Variants in PCDHGA2 observed in about 807,000 individuals in gnomAD.
PCDHGA2 encodes the protein protocadherin gamma subfamily A, 2.
Under a neutral mutation model 59.2 loss-of-function variants are expected in PCDHGA2, and 40 were observed. The ratio of observed to expected loss-of-function variants is 0.68; its 90% CI spans 0.52 to 0.88. The LOEUF (loss-of-function observed/expected upper bound fraction) is 0.88, where lower values mean the gene tolerates loss of function less well. PCDHGA2 is among the 40% of genes least tolerant of loss of function. The pLI is 0.00. For synonymous variants in PCDHGA2, 560 were observed against 526.0 expected, an observed-to-expected ratio of 1.06 and a Z score of -0.89; for missense variants, 1,226 against 1,204.0, an observed-to-expected ratio of 1.02 and a Z score of -0.27.
chr5:141,404,350 C>T (rs757103755), intron 1 of PCDHGA2: 1 of 1,613,894 alleles, frequency 6.2e-7, no homozygotes, highest in Non-Finnish European at 8.5e-7. Flanking sequence ...AAAACAACGC[C>T]AGAGGTACTT....
At chr5:141,362,466 G>T (rs753193547) in intron 1 of PCDHGA2, 19 of 1,613,922 alleles carry the variant, frequency 1.2e-5, no homozygotes, top group Non-Finnish European at 1.6e-5. Flanking sequence ...TGGTTCCCGC[G>T]CAAGATCTCG....
chr5:141,387,717 C>T (rs2091056709), intron 1 of PCDHGA2: 1 of 1,093,268 alleles, frequency 9.1e-7, no homozygotes, highest in African/African-American at 1.6e-5. Context: ...CCAGCTCAGA[C>T]TCCCCAGCGC....
intron 1 of PCDHGA2, chr5:141,418,003 G>T (rs1441842557): frequency 6.2e-7 from 1 of 1,613,798 alleles, no homozygotes; most frequent in Non-Finnish European, 8.5e-7. Context: ...CGGTGGTGGG[G>T]AACCTCGCTA....
intron 1 of PCDHGA2, chr5:141,384,592 C>T (rs1780248278): frequency 6.2e-7 from 1 of 1,614,120 alleles, no homozygotes; most frequent in African/African-American, 1.3e-5. Flanking sequence ...GATCCTGTAC[C>T]CGGCCCTCCC....
intron 1 of PCDHGA2, chr5:141,357,859 C>G: frequency 1.7e-6 from 1 of 591,080 alleles, no homozygotes; most frequent in South Asian, 2.2e-5. Context: ...CCAGAATTTT[C>G]TAATTTTACA....
chr5:141,428,609 A>G, intron 1 of PCDHGA2: 1 of 215,052 alleles, frequency 4.7e-6, no homozygotes, highest in South Asian at 7.9e-5. Context: ...ACTGAAGAGA[A>G]TAACAAGATA....
Position 141,486,638 on chromosome 5 carries a change from C to T in PCDHGA2, c.2425-8169C>T, listed in dbSNP as rs753730551. 5.6e-6 allele frequency: 9 copies of T among 1,613,700 alleles called. No homozygotes were observed. In the East Asian group the frequency reaches 8.9e-5, roughly 16 times the overall value. On this transcript the variant is annotated intron_variant, in intron 1 of 3. Coordinates refer to ENST00000394576, the MANE Select transcript of PCDHGA2 (RefSeq NM_018915.4). This position sits in a 1 kb window ranked among gnomAD's most constrained non-coding sequence, Gnocchi z 5.0. The stretch of plus-strand genomic sequence containing the variant: ...TGACCCAGACTCTGGCTTGAATGCG[C>T]TTATCTCCTACTCACTCCTGGAGCC...
chr5:141,487,671 G>A lies in PCDHGA2; in HGVS notation c.2425-7136G>A. The A allele has an allele frequency of 6.2e-7, 1 of 1,612,012 alleles. No homozygotes were observed. The highest frequency in any genetic ancestry group is 8.5e-7 in the Non-Finnish European group (1 of 1,178,932). ...GAGGGTTATTCTGATCCAGGCATAT[G>A]GCTAGGCCATGTCCTAGAGAGTACT... On this transcript the variant is annotated intron_variant, in intron 1 of 3. Transcript: ENST00000394576. This position sits in a 1 kb window ranked among gnomAD's most constrained non-coding sequence, Gnocchi z 5.0.
intron 2 of PCDHGA2, among the ~76,000 whole-genome samples, chr5:141,501,184 C>T (rs1209222790): frequency 6.6e-6 from 1 of 152,002 alleles, no homozygotes; most frequent in Non-Finnish European, 1.5e-5. Context: ...CATTTTAACA[C>T]AATTAAATTC....
At position 141,413,764 on chromosome 5, in the gene PCDHGA2, G is replaced by A. The variant is rs749419039; in HGVS notation, c.2424+72369G>A. 28 of 1,612,716 alleles carry A rather than the reference G, an allele frequency of 1.7e-5. No individual in the cohort carries two copies. Among genetic ancestry groups the A allele is most frequent in the Non-Finnish European group, 2.2e-5 (26 of 1,179,878 alleles). On this transcript the variant is annotated intron_variant, in intron 1 of 3. Coordinates refer to ENST00000394576, the MANE Select transcript of PCDHGA2 (RefSeq NM_018915.4). ...CCGTGCCAATGGCGTCAAGTACCCG[G>A]AGCTGGTACTGGAGCACTCCCTAGA... is the stretch of plus-strand genomic sequence containing the variant.
chr5:141,438,513 A>G (rs2097964808), intron 1 of PCDHGA2, among the ~76,000 whole-genome samples: 1 of 148,768 alleles, frequency 6.7e-6, no homozygotes, highest in Non-Finnish European at 1.5e-5. Context: ...TGCAAAACCA[A>G]TTATTTTACA....
intron 1 of PCDHGA2, chr5:141,413,221 G>A (rs1384304697): frequency 1.2e-6 from 2 of 1,613,452 alleles, no homozygotes; most frequent in East Asian, 2.2e-5. Flanking sequence ...GGATTGCAGC[G>A]GGCTGGTCCT....
chr5:141,350,539 C>A (rs1758498017), intron 1 of PCDHGA2: 1 of 1,613,968 alleles, frequency 6.2e-7, no homozygotes, highest in East Asian at 2.2e-5. Context: ...AGAAGATTTG[C>A]GGAAGGAAAC....
chr5:141,345,772 G>T lies in PCDHGA2; in HGVS notation c.2424+4377G>T, dbSNP rs4042102. 129 of 1,614,082 alleles carry T rather than the reference G, an allele frequency of 8.0e-5. 1 individual carries two copies. The highest frequency in any genetic ancestry group is 5.3e-4 in the African/African-American group (40 of 75,030). ...TCCACTGGCGTGGAGCTGGCGCCTC[G>T]CTCCGCAGAGCCCGGCTACCTGGTG... On this transcript the variant is annotated intron_variant, in intron 1 of 3. Coordinates refer to ENST00000394576, the MANE Select transcript of PCDHGA2 (RefSeq NM_018915.4).
intron 1 of PCDHGA2, chr5:141,388,082 G>A (rs2091230905): frequency 2.9e-6 from 4 of 1,367,298 alleles, no homozygotes; most frequent in Non-Finnish European, 4.0e-6. Flanking sequence ...CTCGAAAACT[G>A]CGCGTCAGTT....
At chr5:141,417,555 TAGAGA>T (rs926975589) in intron 1 of PCDHGA2, 38 of 335,630 alleles carry the variant, frequency 1.1e-4, no homozygotes, top group Non-Finnish European at 1.5e-4. Context: ...TTGAAAGAGG[TAGAGA>T]AAAGTCAAGT....
intron 1 of PCDHGA2, chr5:141,422,847 C>G (rs1271794821): frequency 7.4e-6 from 12 of 1,614,234 alleles, no homozygotes; most frequent in Non-Finnish European, 1.0e-5. Context: ...ACAGCGGGGA[C>G]CCGCCCCTCA....
At chr5:141,428,493 T>G in intron 1 of PCDHGA2, 1 of 307,146 alleles carries the variant, frequency 3.3e-6, no homozygotes, top group Non-Finnish European at 6.3e-6. Context: ...GCAATCTGTA[T>G]GTTCCCTCGG....
intron 1 of PCDHGA2, among the ~76,000 whole-genome samples, chr5:141,407,155 TG>T (rs1451933301): frequency 1.3e-5 from 2 of 152,232 alleles, no homozygotes; most frequent in Non-Finnish European, 2.9e-5. Flanking sequence ...CTGAAGTGTC[TG>T]GGAATCCTTT....
Sources: gnomAD v4.1 joint callset for allele counts (sites outside exome capture counted in the v4.1 genomes callset) on GRCh38, gnomAD v4.1.1 for gene constraint, Gnocchi (gnomAD v3.1) non-coding constraint, MANE v1.5 for transcripts, NCBI Gene and HGNC (gene_info 2026-07-23, HGNC 2026-07-21) for gene names.